SESTD1: variants seen among roughly 807,000 people sequenced by gnomAD.
SESTD1 encodes SEC14 domain and spectrin repeat-containing protein 1.
A neutral mutation model predicts 101.7 loss-of-function variants in SESTD1; 43 were observed. The observed-to-expected ratio is 0.42, with a 90% CI of 0.33 to 0.55. The LOEUF (loss-of-function observed/expected upper bound fraction) is 0.55, where lower values mean the gene tolerates loss of function less well. Among genes scored for constraint, SESTD1 ranks in the 20% least tolerant of loss-of-function variants. SESTD1 has a pLI of 0.07. For synonymous variants in SESTD1, 283 were observed against 286.8 expected (o/e 0.99, Z 0.13); for missense variants, 647 against 815.1 (o/e 0.79, Z 2.51).
intron 16 of SESTD1, 60 bp from the exon 17 acceptor site, chr2:179,112,905 G>A: frequency 2.0e-6 from 3 of 1,526,630 alleles, no homozygotes; most frequent in South Asian, 1.3e-5. Flanking sequence ...CAGTTTCAGA[G>A]GATCACCCCA....
intron 5 of SESTD1, among the ~76,000 whole-genome samples, chr2:179,152,274 C>T (rs1182234155): frequency 2.0e-5 from 3 of 152,138 alleles, no homozygotes; most frequent in African/African-American, 4.8e-5. Context: ...GCTGAGGTTA[C>T]AGGGAAACCT....
chr2:179,135,563 G>C (rs2045122834), intron 9 of SESTD1, among the ~76,000 whole-genome samples: 1 of 152,144 alleles, frequency 6.6e-6, no homozygotes, highest in Non-Finnish European at 1.5e-5. Context: ...AGACCAGCCT[G>C]AGCAACATAG....
chr2:179,199,463 G>A (rs1420237975), intron 1 of SESTD1, among the ~76,000 whole-genome samples: 1 of 152,170 alleles, frequency 6.6e-6, no homozygotes, highest in Non-Finnish European at 1.5e-5. Context: ...TATGAGGCCA[G>A]CATCATCCTG....
At chr2:179,195,542 T>C (rs2046377526) in intron 1 of SESTD1, among the ~76,000 whole-genome samples, 1 of 152,222 alleles carries the variant, frequency 6.6e-6, no homozygotes, top group African/African-American at 2.4e-5. Flanking sequence ...TAGTCATACT[T>C]CAGGGGTTTA....
intron 1 of SESTD1, among the ~76,000 whole-genome samples, chr2:179,257,486 A>C (rs1163114716): frequency 6.6e-6 from 1 of 152,246 alleles, no homozygotes; most frequent in Non-Finnish European, 1.5e-5. Flanking sequence ...GCACTGAGAA[A>C]CAGAAAATCG....
At chr2:179,174,451 C>G (rs1203551721) in intron 4 of SESTD1, 7 of 469,186 alleles carry the variant, frequency 1.5e-5, no homozygotes, top group African/African-American at 4.0e-5. Flanking sequence ...AAGTCCCAAA[C>G]AGCTCATCTG....
At chr2:179,173,416 TTATC>T (rs1475854962) in intron 4 of SESTD1, among the ~76,000 whole-genome samples, 1 of 152,210 alleles carries the variant, frequency 6.6e-6, no homozygotes, top group Non-Finnish European at 1.5e-5. Flanking sequence ...GGCAGGTACC[TTATC>T]TATCTTGTCA....
chr2:179,185,465 A>G (rs1261794921), intron 2 of SESTD1, among the ~76,000 whole-genome samples: 1 of 142,942 alleles, frequency 7.0e-6, no homozygotes, highest in Non-Finnish European at 1.5e-5. Flanking sequence ...TATATGATAT[A>G]CTATATATTA....
Position 179,116,656 on chromosome 2 carries a change from C to T in SESTD1, c.1647+12G>A, listed in dbSNP as rs769313777. ...CTGAGCTTGTGGAAAAGGAAGATAA[C>T]CAGTTTTGCACCTGTGCAACATCAA... On this transcript the variant is annotated intron_variant, in intron 15 of 17. Transcript: ENST00000428443. 6.2e-7 allele frequency: 1 copy of T among 1,614,052 alleles called. No individual in the cohort carries two copies. The highest frequency in any genetic ancestry group is 1.1e-5 in the South Asian group (1 of 91,076).
chr2:179,130,406 TA>T lies in SESTD1; in HGVS notation c.972+1897del, dbSNP rs568694200. On this transcript the variant is annotated intron_variant, in intron 10 of 17. Coordinates refer to ENST00000428443, the MANE Select transcript of SESTD1 (RefSeq NM_178123.5). ...TTAAGCACATGGGAAGGGCCACCCT[TA>T]AGCGATGTTTCTTTAAGCTGATTTT... 2.4e-3 allele frequency among the ~76,000 whole-genome samples: 362 copies of T among 152,252 alleles called. 1 individual carries two copies. The highest frequency in any genetic ancestry group is 5.2e-3 in the Admixed American group (79 of 15,302).
intron 1 of SESTD1, among the ~76,000 whole-genome samples, chr2:179,262,997 G>A (rs753355250): frequency 6.6e-5 from 10 of 152,066 alleles, no homozygotes; most frequent in Non-Finnish European, 1.3e-4. Flanking sequence ...TAAAATGTTT[G>A]GTAAATGCAA....
rs957100036 is a variant in SESTD1, at chr2:179,107,281, T to A, written c.*2618A>T. 3.3e-5 allele frequency: 5 copies of A among 152,220 alleles called. No individual in the cohort carries two copies. The highest frequency in any genetic ancestry group is 1.2e-4 in the African/African-American group (5 of 41,470). The allele number at this position is 152,220 out of a possible 1,614,324, so 9.4% of individuals were successfully genotyped here. On this transcript the variant is annotated 3_prime_UTR_variant, in exon 18 of 18. Transcript: ENST00000428443. The stretch of plus-strand genomic sequence containing the variant: ...ACACATATGAAAGCAGCAGCAAATT[T>A]ACAGATGAGGAGCAATGATATTCAT...
In SESTD1 at chr2:179,215,404, T is replaced by C. The variant is rs951701744; in HGVS notation, c.-25-23538A>G. ...AGAAAATCTAGAAGAAATGAATAAA[T>C]TCCGGGACACATACACCCTCCCAAG... On this transcript the variant is annotated intron_variant, in intron 1 of 17. Coordinates refer to ENST00000428443, the MANE Select transcript of SESTD1 (RefSeq NM_178123.5). 3.7e-5 allele frequency among the ~76,000 whole-genome samples: 5 copies of C among 134,396 alleles called. 1 individual carries two copies. The highest frequency in any genetic ancestry group is 1.5e-4 in the African/African-American group (5 of 33,866). The allele number at this position is 134,396 out of a possible 152,430, so 88.2% of individuals were successfully genotyped here.
chr2:179,111,647 C>T (rs1489424492), intron 17 of SESTD1, among the ~76,000 whole-genome samples: 1 of 151,850 alleles, frequency 6.6e-6, no homozygotes, highest in Non-Finnish European at 1.5e-5. Flanking sequence ...ATTAAATATC[C>T]TCTGGATTAT....
chr2:179,174,543 A>G (rs1370204402), intron 4 of SESTD1: 4 of 416,974 alleles, frequency 9.6e-6, no homozygotes, highest in Non-Finnish European at 1.5e-5. Flanking sequence ...TATTTTAACA[A>G]CTTTCACAGA....
At position 179,212,667 on chromosome 2, in the gene SESTD1, G is replaced by A. The variant is rs550487571; in HGVS notation, c.-25-20801C>T. On this transcript the variant is annotated intron_variant, in intron 1 of 17. Transcript: ENST00000428443. ...TCCCAACATGGCGTTTGAGCTCTGA[G>A]AATGGACAGATTGCCTCTTCAAGTG... is the stretch of plus-strand genomic sequence containing the variant. Among the ~76,000 whole-genome samples the A allele has an allele frequency of 5.2e-5, 7 of 135,658 alleles. 2 individuals carry two copies. The highest frequency in any genetic ancestry group is 2.0e-4 in the East Asian group (1 of 5,016). 89.0% of individuals were successfully genotyped at this position (135,658 alleles called of 152,430 possible). A position where few individuals can be genotyped will look rare whatever the true frequency, so the allele number is the denominator to read the frequency against.
chr2:179,201,418 A>G (rs1278003192), intron 1 of SESTD1, among the ~76,000 whole-genome samples: 4 of 129,316 alleles, frequency 3.1e-5, no homozygotes, highest in African/African-American at 1.3e-4. Context: ...CCATCCCATT[A>G]CTGGGTATAT....
At chr2:179,144,891 A>G (rs2045361187) in intron 8 of SESTD1, among the ~76,000 whole-genome samples, 1 of 151,968 alleles carries the variant, frequency 6.6e-6, no homozygotes, top group Non-Finnish European at 1.5e-5. Flanking sequence ...AAAGCTTTCA[A>G]GCTGCTAAAC....
rs115167212 is a variant in SESTD1, at chr2:179,122,339, C to G, written c.1283-410G>C. 4.4e-3 allele frequency among the ~76,000 whole-genome samples: 664 copies of G among 152,290 alleles called. 4 individuals are homozygous for G. Among genetic ancestry groups the G allele is most frequent in the African/African-American group, 0.015 (615 of 41,560 alleles). ...CATGTTGTTTAAAAAAGCGCATAAGCCTTGCAAAATTTTAAGACACTCCAG... is the reference window on the plus strand; with the variant it reads ...CATGTTGTTTAAAAAAGCGCATAAGGCTTGCAAAATTTTAAGACACTCCAG... On this transcript the variant is annotated intron_variant, in intron 12 of 17. Coordinates refer to ENST00000428443, the MANE Select transcript of SESTD1 (RefSeq NM_178123.5).
Sources: gnomAD v4.1 joint callset for allele counts (sites outside exome capture counted in the v4.1 genomes callset) on GRCh38, gnomAD v4.1.1 for gene constraint, MANE v1.5 for transcripts, NCBI Gene and HGNC (gene_info 2026-07-23, HGNC 2026-07-21) for gene names.